ARHGAP12: variants seen among roughly 807,000 people sequenced by gnomAD.
ARHGAP12 encodes the protein rho GTPase-activating protein 12.
In ARHGAP12, 64 loss-of-function variants were observed where a neutral mutation model predicts 108.6. That is an observed-to-expected ratio of 0.59 (90% CI 0.48 to 0.73). The LOEUF is 0.73. ARHGAP12 is among the 30% of genes least tolerant of loss of function. ARHGAP12 has a pLI of 0.00. For missense variants in ARHGAP12, 940 were observed against 1,005.9 expected (o/e 0.93, Z 0.89); for synonymous variants, 312 against 337.2 (o/e 0.93, Z 0.82).
At chr10:31,875,002 A>G in intron 3 of ARHGAP12, among the ~76,000 whole-genome samples, 1 of 135,120 alleles carries the variant, frequency 7.4e-6, no homozygotes, top group East Asian at 2.2e-4. Flanking sequence ...AAAAAAAAAA[A>G]TTTTCACACA....
At chr10:31,827,757 C>T (rs998647416) in intron 10 of ARHGAP12, among the ~76,000 whole-genome samples, 4 of 150,346 alleles carry the variant, frequency 2.7e-5, no homozygotes, top group Non-Finnish European at 5.9e-5. Flanking sequence ...CACCACTGCA[C>T]TCCAGCCTGG....
intron 3 of ARHGAP12, among the ~76,000 whole-genome samples, chr10:31,879,143 G>A (rs1464276842): frequency 6.6e-6 from 1 of 152,218 alleles, no homozygotes; most frequent in Non-Finnish European, 1.5e-5. Context: ...AAGTGCAGTG[G>A]CTCATACCTG....
intron 9 of ARHGAP12, among the ~76,000 whole-genome samples, chr10:31,833,203 T>G (rs1489447668): frequency 6.6e-6 from 1 of 151,890 alleles, no homozygotes; most frequent in African/African-American, 2.4e-5. Flanking sequence ...CTTTCCATCA[T>G]ATGGGAACTA....
At chr10:31,856,871 T>C (rs1421978262) in intron 4 of ARHGAP12, among the ~76,000 whole-genome samples, 1 of 151,896 alleles carries the variant, frequency 6.6e-6, no homozygotes, top group Admixed American at 6.6e-5. Flanking sequence ...ATACAACAAA[T>C]AAATGCAACA....
At chr10:31,812,114 T>C (rs759616992) in intron 15 of ARHGAP12, among the ~76,000 whole-genome samples, 32 of 152,188 alleles carry the variant, frequency 2.1e-4, no homozygotes, top group Middle Eastern at 3.2e-3. Context: ...AATGCCATTG[T>C]TTTAAGTCAG....
Position 31,908,428 on chromosome 10 carries a change from C to T in ARHGAP12, c.428G>A (p.Gly143Asp). The T allele has an allele frequency of 1.2e-6, 2 of 1,614,178 alleles. No homozygotes were observed. The highest frequency in any genetic ancestry group is 1.7e-6 in the Non-Finnish European group (2 of 1,180,026). The change falls in exon 3 of 20, where the codon GGT (glycine) becomes GAT (aspartate). Residue 143 changes from glycine (G) to aspartate (D), a missense_variant. Coordinates refer to ENST00000344936, the MANE Select transcript of ARHGAP12 (RefSeq NM_018287.7). Reference protein sequence around the residue: ...NQNFGPSYNQGQTVNLSLDLT... With the variant: ...NQNFGPSYNQDQTVNLSLDLT... Reference sequence around the variant, plus strand: ...GTCCAGGCTTAGGTTGACAGTCTGACCTTGATTATAACTGGGTCCAAAATT... The same window carrying T: ...GTCCAGGCTTAGGTTGACAGTCTGATCTTGATTATAACTGGGTCCAAAATT...
At chr10:31,889,280 G>C (rs900862150) in intron 3 of ARHGAP12, among the ~76,000 whole-genome samples, 2 of 152,170 alleles carry the variant, frequency 1.3e-5, no homozygotes, top group Admixed American at 6.5e-5. Context: ...CCCAGAACCT[G>C]GCAGTATTAG....
chr10:31,820,472 G>C lies in ARHGAP12; in HGVS notation c.1547C>G (p.Ser516Cys). The C allele has an allele frequency of 5.0e-6, 8 of 1,599,258 alleles. No homozygotes were observed. Among genetic ancestry groups the C allele is most frequent in the African/African-American group, 1.3e-5 (1 of 74,294 alleles). The change falls in exon 12 of 20, where the codon TCC becomes TGC. Residue 516 changes from serine (S) to cysteine (C), a missense_variant. Transcript: ENST00000344936. The stretch of plus-strand genomic sequence containing the variant: ...GAGGTCCACTGTGAACTCTGGTTTG[G>C]ACTGATTACTGCCAAACTTCATTTT... ...SSTSWFGSNQ[S>C]KPEFTVDLKG...
chr10:31,924,929 A>G (rs1839969633), intron 1 of ARHGAP12, among the ~76,000 whole-genome samples: 1 of 152,226 alleles, frequency 6.6e-6, no homozygotes. Context: ...TACATTAATC[A>G]GTGCTTACTC....
At position 31,879,137 on chromosome 10, in the gene ARHGAP12, G is replaced by A. The variant is rs1377787154; in HGVS notation, c.685-17479C>T. On this transcript the variant is annotated intron_variant, in intron 3 of 19. Coordinates refer to ENST00000344936, the MANE Select transcript of ARHGAP12 (RefSeq NM_018287.7). ...TAAAAAGACAAGAATAAGGCCAAGT[G>A]CAGTGGCTCATACCTGTAATCCCAG... Among the ~76,000 whole-genome samples, 4 of 152,194 alleles carry A rather than the reference G, an allele frequency of 2.6e-5. 1 individual carries two copies. The highest frequency in any genetic ancestry group is 4.1e-4 in the South Asian group (2 of 4,826).
intron 6 of ARHGAP12, among the ~76,000 whole-genome samples, chr10:31,845,948 T>C (rs547729302): frequency 1.1e-3 from 170 of 152,346 alleles, no homozygotes; most frequent in African/African-American, 3.8e-3. Flanking sequence ...CATTTTATCA[T>C]TAATTGTCTG....
At chr10:31,829,129 G>GC (rs1199862378) in intron 10 of ARHGAP12, among the ~76,000 whole-genome samples, 1 of 151,876 alleles carries the variant, frequency 6.6e-6, no homozygotes, top group African/African-American at 2.4e-5. Flanking sequence ...TCCAGCCTGG[G>GC]CGAGAGAGCA....
Position 31,806,046 on chromosome 10 carries a change from T to G in ARHGAP12, c.*1612A>C, listed in dbSNP as rs1423435545. On this transcript the variant is annotated 3_prime_UTR_variant, in exon 20 of 20. Coordinates refer to ENST00000344936, the MANE Select transcript of ARHGAP12 (RefSeq NM_018287.7). The stretch of plus-strand genomic sequence containing the variant: ...TTCCCAAGGAAGGCAATCTGTAAAT[T>G]ATAAATGCAACCCTAAGAAAAAAAA... The G allele has an allele frequency of 2.0e-5, 3 of 151,378 alleles. No individual in the cohort carries two copies. Among genetic ancestry groups the G allele is most frequent in the African/African-American group, 7.4e-5 (3 of 40,714 alleles). The allele number at this position is 151,378 out of a possible 1,614,324, so 9.4% of individuals were successfully genotyped here.
At chr10:31,905,174 A>G (rs543886145) in intron 3 of ARHGAP12, among the ~76,000 whole-genome samples, 7 of 151,662 alleles carry the variant, frequency 4.6e-5, no homozygotes, top group African/African-American at 1.4e-4. Flanking sequence ...GCTATGCTTG[A>G]AAAAAAAATT....
At chr10:31,893,284 A>G (rs1296743822) in intron 3 of ARHGAP12, among the ~76,000 whole-genome samples, 4 of 152,062 alleles carry the variant, frequency 2.6e-5, no homozygotes, top group Admixed American at 2.6e-4. Flanking sequence ...GACACAAAAA[A>G]CCCTTCAAAA....
chr10:31,831,357 T>G (rs1282887026), intron 10 of ARHGAP12, among the ~76,000 whole-genome samples: 1 of 152,158 alleles, frequency 6.6e-6, no homozygotes, highest in Non-Finnish European at 1.5e-5. Flanking sequence ...AGGAAAGCAC[T>G]AGAATTCAGG....
At chr10:31,866,832 G>A (rs1056041246) in intron 3 of ARHGAP12, among the ~76,000 whole-genome samples, 2 of 151,876 alleles carry the variant, frequency 1.3e-5, no homozygotes, top group Admixed American at 6.6e-5. Context: ...GGGTCAGGCT[G>A]GTCTCAAACT....
intron 4 of ARHGAP12, among the ~76,000 whole-genome samples, chr10:31,855,748 A>G (rs1248911205): frequency 6.6e-6 from 1 of 152,196 alleles, no homozygotes; most frequent in Admixed American, 6.5e-5. Flanking sequence ...TCACAGAATC[A>G]CTTTTTCAAA....
intron 1 of ARHGAP12, among the ~76,000 whole-genome samples, chr10:31,926,268 A>G (rs571511625): frequency 6.6e-6 from 1 of 152,224 alleles, no homozygotes; most frequent in South Asian, 2.1e-4. Context: ...GAAGTCAATG[A>G]AAGTAATAGG....
Sources: allele counts gnomAD v4.1 joint callset (sites outside exome capture counted in the v4.1 genomes callset), GRCh38; gene constraint gnomAD v4.1.1; transcripts MANE v1.5; gene names NCBI Gene and HGNC (gene_info 2026-07-23, HGNC 2026-07-21).